The following ZCCHC7 variants were observed in gnomAD, a reference collection of about 807,000 sequenced individuals.
ZCCHC7 encodes the protein zinc finger CCHC-type containing 7, also known as zinc finger CCHC domain-containing protein 7.
ZCCHC7 carries 35 observed loss-of-function variants against 52.0 expected under a neutral mutation model. That is an observed-to-expected ratio of 0.67 (90% CI 0.51 to 0.89). The LOEUF (loss-of-function observed/expected upper bound fraction) is 0.89, where lower values mean the gene tolerates loss of function less well. Ranked by LOEUF, ZCCHC7 falls within the 40% of genes least tolerant of loss-of-function variation. ZCCHC7 has a pLI of 0.00. For missense variants in ZCCHC7, 574 were observed against 649.1 expected (o/e 0.88, Z 1.26); for synonymous variants, 217 against 221.5 (o/e 0.98, Z 0.18).
intron 2 of ZCCHC7, among the ~76,000 whole-genome samples, chr9:37,133,254 A>G (rs1274399029): frequency 3.3e-5 from 5 of 152,236 alleles, no homozygotes; most frequent in Admixed American, 3.3e-4. Context: ...TGGATTACTT[A>G]ACATACCCAT....
intron 2 of ZCCHC7, among the ~76,000 whole-genome samples, chr9:37,194,209 T>C (rs991035402): frequency 2.0e-5 from 3 of 152,232 alleles, no homozygotes; most frequent in Non-Finnish European, 4.4e-5. Flanking sequence ...ATTTCTCTTT[T>C]TGAGTTAGCA....
At chr9:37,314,230 C>A (rs1308324063) in intron 5 of ZCCHC7, among the ~76,000 whole-genome samples, 1 of 152,178 alleles carries the variant, frequency 6.6e-6, no homozygotes, top group East Asian at 1.9e-4. Context: ...TACTTCTAGC[C>A]TGCCTTTATA....
intron 5 of ZCCHC7, among the ~76,000 whole-genome samples, chr9:37,306,568 C>T (rs1385427614): frequency 3.3e-5 from 5 of 150,308 alleles, no homozygotes; most frequent in East Asian, 2.0e-4. Flanking sequence ...TGGGTTCAAG[C>T]GATTCTCCTG....
intron 5 of ZCCHC7, 46 bp from the exon 6 acceptor site, chr9:37,327,753 G>T (rs745356510): frequency 6.2e-7 from 1 of 1,610,890 alleles, no homozygotes; most frequent in Admixed American, 1.7e-5. Context: ...AGGCTGTAAA[G>T]TACCTTGTTT....
chr9:37,327,456 G>A (rs1830292984), intron 5 of ZCCHC7: 1 of 225,684 alleles, frequency 4.4e-6, no homozygotes, highest in Non-Finnish European at 8.6e-6. Flanking sequence ...TTTAAAAGGT[G>A]TACTTGGTGA....
intron 2 of ZCCHC7, among the ~76,000 whole-genome samples, chr9:37,256,424 T>C (rs1318780684): frequency 6.6e-6 from 1 of 152,144 alleles, no homozygotes; most frequent in Non-Finnish European, 1.5e-5. Flanking sequence ...TTTCCACTGA[T>C]GATAAGGAGT....
intron 3 of ZCCHC7, among the ~76,000 whole-genome samples, chr9:37,303,729 T>C (rs1829157201): frequency 8.1e-6 from 1 of 124,200 alleles, no homozygotes; most frequent in Non-Finnish European, 1.6e-5. Flanking sequence ...AATGGCACAA[T>C]CTCGGCTCAC....
At chr9:37,238,708 A>G (rs925602042) in intron 2 of ZCCHC7, among the ~76,000 whole-genome samples, 2 of 152,086 alleles carry the variant, frequency 1.3e-5, no homozygotes, top group South Asian at 2.1e-4. Context: ...GATCATTTCA[A>G]CTGTTTCTTT....
chr9:37,257,166 C>T (rs1304591742), intron 2 of ZCCHC7, among the ~76,000 whole-genome samples: 1 of 152,172 alleles, frequency 6.6e-6, no homozygotes, highest in East Asian at 1.9e-4. Context: ...AAGGGCAAAT[C>T]AATATGGCGG....
At chr9:37,292,898 ATGAACAAC>A (rs1437376927) in intron 2 of ZCCHC7, among the ~76,000 whole-genome samples, 6 of 152,192 alleles carry the variant, frequency 3.9e-5, no homozygotes, top group Non-Finnish European at 1.5e-5. Flanking sequence ...ATCTCAGGTG[ATGAACAAC>A]TGTAATGACT....
At chr9:37,350,120 T>G (rs1183660979) in intron 7 of ZCCHC7, among the ~76,000 whole-genome samples, 3 of 114,854 alleles carry the variant, frequency 2.6e-5, no homozygotes, top group South Asian at 5.8e-4. Context: ...TTGGGGTTTG[T>G]TTTTTTTTTT....
intron 2 of ZCCHC7, among the ~76,000 whole-genome samples, chr9:37,177,827 A>G (rs1000622815): frequency 6.6e-6 from 1 of 152,222 alleles, no homozygotes; most frequent in Non-Finnish European, 1.5e-5. Context: ...CTAACCCAGT[A>G]TTCCTTAAAA....
At chr9:37,226,165 A>C (rs1825086962) in intron 2 of ZCCHC7, among the ~76,000 whole-genome samples, 2 of 152,222 alleles carry the variant, frequency 1.3e-5, no homozygotes, top group African/African-American at 2.4e-5. Context: ...AAACAATTGG[A>C]ACTTGAATTT....
chr9:37,268,626 C>A (rs1827231978), intron 2 of ZCCHC7, among the ~76,000 whole-genome samples: 1 of 152,078 alleles, frequency 6.6e-6, no homozygotes, highest in Non-Finnish European at 1.5e-5. Context: ...CGGGGTTTCA[C>A]CGTGTTAGCC....
At position 37,150,156 on chromosome 9, in the gene ZCCHC7, A is replaced by C. The variant is rs76883660; in HGVS notation, c.610+23214A>C. ...TCTGTTGGGCTCTTTTTAGGTTTTTAATCAGGTTGGAGAAGGGAGTTAGAG... is the reference window on the plus strand; with the variant it reads ...TCTGTTGGGCTCTTTTTAGGTTTTTCATCAGGTTGGAGAAGGGAGTTAGAG... On this transcript the variant is annotated intron_variant, in intron 2 of 8. Transcript: ENST00000336755. Among the ~76,000 whole-genome samples, 11 of 152,316 alleles carry C rather than the reference A, an allele frequency of 7.2e-5. No individual in the cohort carries two copies. In the East Asian group the frequency reaches 2.1e-3, roughly 29 times the overall value.
intron 6 of ZCCHC7, among the ~76,000 whole-genome samples, chr9:37,341,715 A>T: frequency 6.6e-6 from 1 of 152,112 alleles, no homozygotes. Flanking sequence ...GGTGCTCAGG[A>T]AGGCCTTACT....
At chr9:37,331,943 G>T (rs1830465578) in intron 6 of ZCCHC7, among the ~76,000 whole-genome samples, 1 of 151,296 alleles carries the variant, frequency 6.6e-6, no homozygotes, top group Admixed American at 6.6e-5. Context: ...CATTTTTATT[G>T]GTACCATTTT....
intron 2 of ZCCHC7, among the ~76,000 whole-genome samples, chr9:37,162,094 A>G (rs920851637): frequency 4.6e-5 from 7 of 152,168 alleles, no homozygotes; most frequent in Non-Finnish European, 7.4e-5. Flanking sequence ...ATAAAAACCT[A>G]TGTGTAAACG....
chr9:37,169,764 C>G (rs1472759947), intron 2 of ZCCHC7, among the ~76,000 whole-genome samples: 1 of 152,000 alleles, frequency 6.6e-6, no homozygotes, highest in African/African-American at 2.4e-5. Context: ...TGCTATGTTC[C>G]TTTTGAAAAT....
Sources: gnomAD v4.1 joint callset for allele counts (sites outside exome capture counted in the v4.1 genomes callset) on GRCh38, gnomAD v4.1.1 for gene constraint, MANE v1.5 for transcripts, NCBI Gene and HGNC (gene_info 2026-07-23, HGNC 2026-07-21) for gene names.